Variants in AFAP1L1 observed in about 807,000 individuals in gnomAD.
AFAP1L1 encodes the protein actin filament associated protein 1 like 1.
Under a neutral mutation model 99.8 loss-of-function variants are expected in AFAP1L1, and 77 were observed. That is an observed-to-expected ratio of 0.77 (90% CI 0.64 to 0.93). AFAP1L1 has a LOEUF of 0.93. Ranked by LOEUF, AFAP1L1 falls within the 40% of genes least tolerant of loss-of-function variation. The pLI, the probability that AFAP1L1 is intolerant of heterozygous loss-of-function variation, is 0.00. For synonymous variants in AFAP1L1, 373 were observed against 395.3 expected (o/e 0.94, Z 0.67); for missense variants, 893 against 996.8 (o/e 0.90, Z 1.40).
intron 17 of AFAP1L1, 89 bp downstream of exon 17, chr5:149,332,962 G>A: frequency 7.0e-7 from 1 of 1,426,586 alleles, no homozygotes; most frequent in South Asian, 1.5e-5. Context: ...TTCTTTGGAG[G>A]TAGGGGTTAT....
intron 1 of AFAP1L1, among the ~76,000 whole-genome samples, chr5:149,298,553 A>G (rs967283544): frequency 1.3e-5 from 2 of 152,250 alleles, no homozygotes; most frequent in Non-Finnish European, 2.9e-5. Flanking sequence ...AATAAAATGT[A>G]AAAGGGCTGA....
At chr5:149,321,036 C>G (rs1489160514) in intron 14 of AFAP1L1, among the ~76,000 whole-genome samples, 2 of 152,216 alleles carry the variant, frequency 1.3e-5, no homozygotes, top group African/African-American at 4.8e-5. Flanking sequence ...GAGCCACATT[C>G]CAATCAGACG....
At chr5:149,284,464 T>G (rs1288024105) in intron 1 of AFAP1L1, among the ~76,000 whole-genome samples, 4 of 152,216 alleles carry the variant, frequency 2.6e-5, no homozygotes, top group African/African-American at 9.7e-5. Context: ...ACTCAGCACA[T>G]AAGAAGCAGT....
At chr5:149,273,971 C>T (rs893251848) in intron 1 of AFAP1L1, among the ~76,000 whole-genome samples, 9 of 152,154 alleles carry the variant, frequency 5.9e-5, no homozygotes, top group African/African-American at 2.2e-4. Flanking sequence ...CCAACAACCT[C>T]CACGTCAGAA....
rs376670194 is a variant in AFAP1L1, at chr5:149,329,847, G to C, written c.1975+17G>C. 1.1e-5 allele frequency: 17 copies of C among 1,591,840 alleles called. No individual in the cohort carries two copies. Among genetic ancestry groups the C allele is most frequent in the Non-Finnish European group, 1.4e-5 (16 of 1,169,880 alleles). On this transcript the variant is annotated intron_variant, in intron 16 of 18. Coordinates refer to ENST00000296721, the MANE Select transcript of AFAP1L1 (RefSeq NM_152406.4). ...GCAGCCCAGGTACCTATGTGGGTGT[G>C]GTCCTGAGCACCTATGGGTGGCCAG...
chr5:149,320,413 C>T lies in AFAP1L1; in HGVS notation c.1648C>T (p.Gln550Ter). Residue 550 changes from glutamine to a stop codon, truncating the protein, a stop_gained, in exon 14 of 19, where the codon CAG becomes TAG. Coordinates refer to ENST00000296721, the MANE Select transcript of AFAP1L1 (RefSeq NM_152406.4). LOFTEE classifies it high-confidence loss of function. This position sits in a 1 kb window ranked among gnomAD's most constrained non-coding sequence, Gnocchi z 4.0. ...TAGATATGCAAGATCCTGCCAGAAT[C>T]AGTGGCCTGAGCCCCGAGTCTATGA... Reference protein sequence around the residue: ...SFLYARSCQNQWPEPRVYDDV... With the variant: ...SFLYARSCQN 1.2e-6 allele frequency: 2 copies of T among 1,614,192 alleles called. No homozygotes were observed. Among genetic ancestry groups the T allele is most frequent in the South Asian group, 1.1e-5 (1 of 91,070 alleles).
intron 1 of AFAP1L1, among the ~76,000 whole-genome samples, chr5:149,294,408 C>G (rs1755956548): frequency 6.6e-6 from 1 of 152,162 alleles, no homozygotes; most frequent in African/African-American, 2.4e-5. Flanking sequence ...GGTTTGAATT[C>G]TCTAAAATTA....
In AFAP1L1 at chr5:149,332,863, C is replaced by G; in HGVS notation, c.2144C>G (p.Pro715Arg). 6.3e-7 allele frequency: 1 copy of G among 1,595,008 alleles called. No individual in the cohort carries two copies. Among genetic ancestry groups the G allele is most frequent in the South Asian group, 1.1e-5 (1 of 88,822 alleles). ...PALGLSVSSK[P>R]KSGETANKPQ... ...CTGGGGCTCTCCGTGAGCAGCAAGC[C>G]CAAGAGTGGGGTGAGTCCAGGCCCT... Residue 715 changes from proline (P) to arginine (R), a missense_variant, in exon 17 of 19, where the codon CCC (proline) becomes CGC (arginine). Pro to Arg is a moderately radical substitution (Grantham distance 103, BLOSUM62 -2). Coordinates refer to ENST00000296721, the MANE Select transcript of AFAP1L1 (RefSeq NM_152406.4).
intron 1 of AFAP1L1, among the ~76,000 whole-genome samples, chr5:149,293,543 T>C (rs931287049): frequency 6.6e-6 from 1 of 152,222 alleles, no homozygotes; most frequent in Non-Finnish European, 1.5e-5. Context: ...CATCAAAATA[T>C]TGTATTCATT....
chr5:149,279,429 C>G (rs1476795503), intron 1 of AFAP1L1, among the ~76,000 whole-genome samples: 1 of 152,204 alleles, frequency 6.6e-6, no homozygotes, highest in African/African-American at 2.4e-5. Flanking sequence ...CAGCTTGACC[C>G]TTTTGCACAC....
chr5:149,283,592 A>G (rs926364337), intron 1 of AFAP1L1, among the ~76,000 whole-genome samples: 8 of 152,332 alleles, frequency 5.3e-5, no homozygotes, highest in South Asian at 4.1e-4. Context: ...CTGTTGTTCA[A>G]TATGAAAATA....
At chr5:149,303,191 A>G (rs1275550612) in intron 5 of AFAP1L1, among the ~76,000 whole-genome samples, 1 of 152,156 alleles carries the variant, frequency 6.6e-6, no homozygotes, top group East Asian at 1.9e-4. Flanking sequence ...GTTTATATAT[A>G]CATATATAAC....
intron 4 of AFAP1L1, 104 bp downstream of exon 4, chr5:149,301,334 C>T: frequency 9.8e-7 from 1 of 1,018,896 alleles, no homozygotes; most frequent in Admixed American, 2.1e-5. Context: ...CGGTTCTGGA[C>T]CCTGTTGTCT....
At chr5:149,328,509 A>G (rs928013349) in intron 15 of AFAP1L1, among the ~76,000 whole-genome samples, 5 of 152,150 alleles carry the variant, frequency 3.3e-5, no homozygotes, top group African/African-American at 1.2e-4. Context: ...AAGAAAATTA[A>G]TTACAGTAAG....
At chr5:149,300,027 G>A (rs952945153) in intron 2 of AFAP1L1, among the ~76,000 whole-genome samples, 6 of 152,076 alleles carry the variant, frequency 3.9e-5, no homozygotes, top group Admixed American at 2.0e-4. Flanking sequence ...CCTAGCATAC[G>A]CCTGACAGCC....
intron 4 of AFAP1L1, among the ~76,000 whole-genome samples, chr5:149,301,886 C>T (rs766682036): frequency 1.3e-5 from 2 of 152,256 alleles, no homozygotes; most frequent in Non-Finnish European, 2.9e-5. Context: ...GAGGCTGGCA[C>T]AATTGTTATC....
chr5:149,297,830 A>G (rs773377906), intron 1 of AFAP1L1, among the ~76,000 whole-genome samples: 6 of 152,220 alleles, frequency 3.9e-5, no homozygotes, highest in Admixed American at 2.0e-4. Context: ...CAGCCTGCCA[A>G]GGGAGGCAGA....
intron 9 of AFAP1L1, among the ~76,000 whole-genome samples, chr5:149,313,042 G>A (rs1756684703): frequency 6.6e-6 from 1 of 151,160 alleles, no homozygotes; most frequent in Non-Finnish European, 1.5e-5. Context: ...GAGGAGAATT[G>A]CTTGAACCGG....
chr5:149,302,732 G>A (rs1412443474), intron 5 of AFAP1L1: 1 of 492,068 alleles, frequency 2.0e-6, no homozygotes, highest in African/African-American at 1.9e-5. Context: ...CAGGGGCTGG[G>A]GGCTTAGGTT....
Sources: allele counts gnomAD v4.1 joint callset (sites outside exome capture counted in the v4.1 genomes callset), GRCh38; gene constraint gnomAD v4.1.1; non-coding constraint Gnocchi (gnomAD v3.1); transcripts MANE v1.5; gene names NCBI Gene and HGNC (gene_info 2026-07-23, HGNC 2026-07-21).